Variants in MIER3 observed in about 807,000 individuals in gnomAD.
The protein encoded by MIER3 is mesoderm induction early response protein 3.
A neutral mutation model predicts 63.2 loss-of-function variants in MIER3; 9 were observed. The observed-to-expected ratio is 0.14, with a 90% CI of 0.09 to 0.25. MIER3 has a LOEUF of 0.25. Among genes scored for constraint, MIER3 ranks in the 10% least tolerant of loss-of-function variants. The probability of loss-of-function intolerance (pLI) is 1.00; values close to 1 mark genes in which losing one functional copy is unlikely to be tolerated. For missense variants in MIER3, 512 were observed against 666.2 expected, an observed-to-expected ratio of 0.77 and a Z score of 2.55; for synonymous variants, 205 against 224.9, an observed-to-expected ratio of 0.91 and a Z score of 0.79.
At chr5:56,942,633 A>G (rs1185859949) in intron 3 of MIER3, among the ~76,000 whole-genome samples, 1 of 152,226 alleles carries the variant, frequency 6.6e-6, no homozygotes, top group Non-Finnish European at 1.5e-5. Context: ...ATAATAGCCA[A>G]AACCCTGGAG....
intron 9 of MIER3, 104 bp from the exon 10 acceptor site, chr5:56,928,965 T>A (rs768420608): frequency 1.2e-5 from 5 of 430,618 alleles, no homozygotes; most frequent in Non-Finnish European, 1.8e-5. Flanking sequence ...ACTCTCTCTC[T>A]CTCTCACACA....
At chr5:56,951,946 G>A (rs980919465) in intron 1 of MIER3, 148 bp downstream of exon 1, 1 of 623,530 alleles carries the variant, frequency 1.6e-6, no homozygotes, top group South Asian at 7.1e-5. Context: ...GCCACGGCCA[G>A]TCGCCGCCCC....
intron 3 of MIER3, among the ~76,000 whole-genome samples, chr5:56,940,631 T>G (rs1197126881): frequency 6.6e-6 from 1 of 152,220 alleles, no homozygotes; most frequent in Non-Finnish European, 1.5e-5. Context: ...CCATAAATGA[T>G]CATGAAAATC....
At chr5:56,938,724 G>A in intron 4 of MIER3, 159 bp downstream of exon 4, 3 of 793,394 alleles carry the variant, frequency 3.8e-6, no homozygotes, top group Non-Finnish European at 3.9e-6. Flanking sequence ...TTAACATAGG[G>A]TGATCAAAGC....
At chr5:56,930,423 GT>G (rs1400537794) in intron 9 of MIER3, among the ~76,000 whole-genome samples, 6 of 151,886 alleles carry the variant, frequency 4.0e-5, no homozygotes, top group Admixed American at 1.3e-4. Context: ...GGTCTGCTTT[GT>G]TCTGTAACTA....
chr5:56,939,798 G>A (rs991672698), intron 3 of MIER3, among the ~76,000 whole-genome samples: 2 of 152,160 alleles, frequency 1.3e-5, no homozygotes, highest in Non-Finnish European at 2.9e-5. Context: ...CATGCACAAC[G>A]TAACATTCAG....
At chr5:56,930,294 T>C (rs1210345945) in intron 9 of MIER3, among the ~76,000 whole-genome samples, 1 of 152,104 alleles carries the variant, frequency 6.6e-6, no homozygotes. Context: ...GTTTCTTTTT[T>C]AATCTTTAAT....
intron 4 of MIER3, among the ~76,000 whole-genome samples, chr5:56,937,918 T>C (rs528155666): frequency 5.3e-4 from 81 of 151,594 alleles, no homozygotes; most frequent in Non-Finnish European, 1.1e-3. Context: ...AACCATATAC[T>C]AAAACAATTG....
chr5:56,923,553 G>T lies in MIER3; in HGVS notation c.1228C>A (p.Pro410Thr), dbSNP rs549637744. The T allele has an allele frequency of 3.1e-6, 5 of 1,613,958 alleles. No homozygotes were observed. In the African/African-American group the frequency reaches 6.7e-5, roughly 22 times the overall value. The change falls in exon 13 of 13, where the codon CCC becomes ACC. Residue 410 changes from proline (P) to threonine (T), a missense_variant. By Grantham distance (38) the Pro-to-Thr change is conservative. Around this residue, in one of 5 missense-constraint regions of MIER3, gnomAD observed 218 missense variants for 251.2 expected, o/e 0.87. Transcript: ENST00000381199. ...LTNSVATVCD[P>T]TDVNCLDDSF... ...TCATCCAAACAATTCACATCTGTGGGGTCGCAGACGGTTGCTACACTGTTG... is the reference window on the plus strand; with the variant it reads ...TCATCCAAACAATTCACATCTGTGGTGTCGCAGACGGTTGCTACACTGTTG...
chr5:56,943,804 C>T (rs932735834), intron 3 of MIER3, among the ~76,000 whole-genome samples: 1 of 152,154 alleles, frequency 6.6e-6, no homozygotes, highest in African/African-American at 2.4e-5. Context: ...TCTGTGGTAG[C>T]TAAATCAGCT....
At chr5:56,926,931 C>CA (rs1014295300) in intron 10 of MIER3, among the ~76,000 whole-genome samples, 1 of 151,918 alleles carries the variant, frequency 6.6e-6, no homozygotes. Context: ...CACAAACAAA[C>CA]AAAAAACCCC....
intron 3 of MIER3, among the ~76,000 whole-genome samples, chr5:56,946,191 A>G (rs554452581): frequency 1.3e-5 from 2 of 152,288 alleles, no homozygotes; most frequent in South Asian, 4.1e-4. Flanking sequence ...AAAAAGAGGT[A>G]TAAGAAACTC....
At chr5:56,937,326 C>A (rs1157796622) in intron 5 of MIER3, among the ~76,000 whole-genome samples, 1 of 152,188 alleles carries the variant, frequency 6.6e-6, no homozygotes, top group Non-Finnish European at 1.5e-5. Flanking sequence ...ATCTGTCTGC[C>A]TCGGCCTCCC....
At chr5:56,928,361 T>C (rs1449522732) in intron 10 of MIER3, 1 of 153,190 alleles carries the variant, frequency 6.5e-6, no homozygotes. Context: ...CTTACCAGCA[T>C]TTGGTGGTGT....
chr5:56,923,439 C>A lies in MIER3; in HGVS notation c.1342G>T (p.Gly448Trp). 1 of 1,614,194 alleles carries A rather than the reference C, an allele frequency of 6.2e-7. No individual in the cohort carries two copies. Among genetic ancestry groups the A allele is most frequent in the South Asian group, 1.1e-5 (1 of 91,090 alleles). Reference sequence around the variant, plus strand: ...AATAAATTAAAACAATCACTTTCCCCATTGCTGGGCAGGGTGAGTAACTCT... The same window carrying A: ...AATAAATTAAAACAATCACTTTCCCAATTGCTGGGCAGGGTGAGTAACTCT... Reference protein sequence around the residue: ...TEELLTLPSNGESDCFNLFET... With the variant: ...TEELLTLPSNWESDCFNLFET... The change falls in exon 13 of 13, where the codon GGG (glycine) becomes TGG (tryptophan). Residue 448 changes from glycine (G) to tryptophan (W), a missense_variant. Around this residue, in one of 5 missense-constraint regions of MIER3, gnomAD observed 218 missense variants for 251.2 expected, o/e 0.87. Transcript: ENST00000381199.
intron 3 of MIER3, among the ~76,000 whole-genome samples, chr5:56,944,973 A>G (rs543301423): frequency 5.9e-4 from 90 of 152,266 alleles, no homozygotes; most frequent in African/African-American, 2.1e-3. Flanking sequence ...TTGAGATTAC[A>G]TGTCTGAGCC....
chr5:56,935,236 G>C (rs930200041), intron 7 of MIER3, among the ~76,000 whole-genome samples, 192 bp downstream of exon 7: 1 of 152,048 alleles, frequency 6.6e-6, no homozygotes, highest in Non-Finnish European at 1.5e-5. Context: ...GGTTGGGGGT[G>C]GGGGGAAACT....
intron 3 of MIER3, among the ~76,000 whole-genome samples, chr5:56,941,908 G>A (rs879740310): frequency 1.7e-4 from 26 of 152,156 alleles, no homozygotes; most frequent in Non-Finnish European, 3.5e-4. Flanking sequence ...GTCACTGGAC[G>A]TGGGAGGGAA....
At chr5:56,950,753 G>A (rs994331937) in intron 1 of MIER3, 101 bp from the exon 2 acceptor site, 4 of 1,355,564 alleles carry the variant, frequency 3.0e-6, no homozygotes, top group African/African-American at 1.5e-5. Context: ...GCGCTCCTCC[G>A]CAGCTGCCAA....
Sources: allele counts gnomAD v4.1 joint callset (sites outside exome capture counted in the v4.1 genomes callset), GRCh38; gene constraint gnomAD v4.1.1; regional missense constraint gnomAD v4.1.1; transcripts MANE v1.5; gene names NCBI Gene and HGNC (gene_info 2026-07-23, HGNC 2026-07-21).